Variants in KIAA0319 observed in about 807,000 individuals in gnomAD.
The protein encoded by KIAA0319 is dyslexia-associated protein KIAA0319.
In KIAA0319, 83 loss-of-function variants were observed where a neutral mutation model predicts 108.4. The ratio of observed to expected loss-of-function variants is 0.77; its 90% CI spans 0.64 to 0.92. The LOEUF is 0.92. Among genes scored for constraint, KIAA0319 ranks in the 40% least tolerant of loss-of-function variants. The pLI, the probability that KIAA0319 is intolerant of heterozygous loss-of-function variation, is 0.00. For missense variants in KIAA0319, 1,195 were observed against 1,322.4 expected, an observed-to-expected ratio of 0.90 and a Z score of 1.49; for synonymous variants, 484 against 510.4, an observed-to-expected ratio of 0.95 and a Z score of 0.70.
rs1554164504 is a variant in KIAA0319 at position 24,594,636 on chromosome 6, A to AAAAC, written c.801+1236_801+1237insGTTT. Among the ~76,000 whole-genome samples the AAAAC allele has an allele frequency of 6.0e-4, 53 of 88,808 alleles. 1 individual carries two copies. The highest frequency in any genetic ancestry group is 3.3e-3 in the South Asian group (10 of 3,002). 58.3% of individuals were successfully genotyped at this position (88,808 alleles called of 152,430 possible). A position where few individuals can be genotyped will look rare whatever the true frequency, so the allele number is the denominator to read the frequency against. On this transcript the variant is annotated intron_variant, in intron 3 of 20. Coordinates refer to ENST00000378214, the MANE Select transcript of KIAA0319 (RefSeq NM_014809.4). ...AGCAAGACTCTGTCTCACAAAAAAA[A>AAAAC]AACAACAAAAAAAAAAAACACTTAA...
chr6:24,593,177 CTCCTT>C (rs1399386655), intron 3 of KIAA0319, among the ~76,000 whole-genome samples: 1 of 152,012 alleles, frequency 6.6e-6, no homozygotes, highest in African/African-American at 2.4e-5. Context: ...ACTGAACTCC[CTCCTT>C]TCCTCACTGG....
Position 24,569,987 on chromosome 6 carries a change from A to G in KIAA0319, c.1907T>C (p.Ile636Thr). Reference sequence around the variant, plus strand: ...CAGGGTAGCACTTTCCACTGGGAAGATCAGCTCTTTATCAGGGCCGGCCAC... The same window carrying G: ...CAGGGTAGCACTTTCCACTGGGAAGGTCAGCTCTTTATCAGGGCCGGCCAC... Reference protein sequence around the residue: ...VAVAGPDKELIFPVESATLDG... With the variant: ...VAVAGPDKELTFPVESATLDG... The change falls in exon 12 of 21, where the codon ATC (isoleucine) becomes ACC (threonine). Residue 636 changes from isoleucine (I) to threonine (T), a missense_variant. By Grantham distance (89) the Ile-to-Thr change is moderately conservative. Coordinates refer to ENST00000378214, the MANE Select transcript of KIAA0319 (RefSeq NM_014809.4). The G allele has an allele frequency of 6.2e-7, 1 of 1,614,122 alleles. No individual in the cohort carries two copies. Among genetic ancestry groups the G allele is most frequent in the Non-Finnish European group, 8.5e-7 (1 of 1,179,958 alleles).
intron 1 of KIAA0319, among the ~76,000 whole-genome samples, chr6:24,626,454 C>A (rs1406617196): frequency 1.3e-5 from 2 of 152,152 alleles, no homozygotes; most frequent in Non-Finnish European, 2.9e-5. Flanking sequence ...ATCGCTTGAA[C>A]CTGGCAGGTG....
intron 1 of KIAA0319, among the ~76,000 whole-genome samples, chr6:24,602,884 C>T (rs1349027203): frequency 1.3e-5 from 2 of 152,118 alleles, no homozygotes; most frequent in Non-Finnish European, 2.9e-5. Context: ...TGTGGAAAAC[C>T]AACGGGTATC....
At chr6:24,568,180 C>A (rs780840892) in intron 13 of KIAA0319, among the ~76,000 whole-genome samples, 2 of 152,196 alleles carry the variant, frequency 1.3e-5, no homozygotes, top group African/African-American at 2.4e-5. Flanking sequence ...AATGCTTGAA[C>A]CTTTCCATCC....
intron 6 of KIAA0319, among the ~76,000 whole-genome samples, chr6:24,581,253 G>A (rs1462073702): frequency 6.6e-6 from 1 of 152,160 alleles, no homozygotes; most frequent in Non-Finnish European, 1.5e-5. Flanking sequence ...AAAGAGGCCT[G>A]GGTGAGATGG....
In KIAA0319 at chr6:24,547,020, G is replaced by A. The variant is rs1760714343; in HGVS notation, c.*145C>T. The A allele has an allele frequency of 9.0e-6, 7 of 776,672 alleles. No individual in the cohort carries two copies. Among genetic ancestry groups the A allele is most frequent in the East Asian group, 5.0e-5 (2 of 39,746 alleles). 48.1% of individuals were successfully genotyped at this position (776,672 alleles called of 1,614,324 possible). A position where few individuals can be genotyped will look rare whatever the true frequency, so the allele number is the denominator to read the frequency against. ...TTTTTGTTTTGTGCCTTCAAAAACC[G>A]GTCTTTTAGTACGTGGGGATACACA... On this transcript the variant is annotated 3_prime_UTR_variant, in exon 21 of 21. Coordinates refer to ENST00000378214, the MANE Select transcript of KIAA0319 (RefSeq NM_014809.4).
intron 16 of KIAA0319, among the ~76,000 whole-genome samples, chr6:24,562,600 G>A (rs559363910): frequency 6.6e-6 from 1 of 152,188 alleles, no homozygotes; most frequent in African/African-American, 2.4e-5. Flanking sequence ...AGCACCCTGG[G>A]AGGCCTAAGT....
At chr6:24,558,542 T>C (rs1360953121) in intron 17 of KIAA0319, among the ~76,000 whole-genome samples, 1 of 152,096 alleles carries the variant, frequency 6.6e-6, no homozygotes, top group African/African-American at 2.4e-5. Flanking sequence ...ATAGAAACAA[T>C]GGGACTATGA....
intron 11 of KIAA0319, among the ~76,000 whole-genome samples, chr6:24,570,461 G>A (rs1431822801): frequency 3.3e-5 from 5 of 151,962 alleles, no homozygotes; most frequent in African/African-American, 4.8e-5. Context: ...GGTGGCAGGC[G>A]CCTGTAGTCC....
At chr6:24,626,254 G>A (rs1024626638) in intron 1 of KIAA0319, among the ~76,000 whole-genome samples, 3 of 152,226 alleles carry the variant, frequency 2.0e-5, no homozygotes, top group African/African-American at 4.8e-5. Context: ...AAATGGGGCC[G>A]GGCTTGGTGG....
chr6:24,623,046 G>GAAA (rs540546428), intron 1 of KIAA0319, among the ~76,000 whole-genome samples: 371 of 143,362 alleles, frequency 2.6e-3, no homozygotes, highest in African/African-American at 9.2e-3. Context: ...CTCATTAAAA[G>GAAA]AAAAAAAAAA....
At chr6:24,552,615 T>C (rs1448762465) in intron 19 of KIAA0319, among the ~76,000 whole-genome samples, 2 of 152,020 alleles carry the variant, frequency 1.3e-5, no homozygotes, top group South Asian at 2.1e-4. Context: ...AATACACTCC[T>C]TTTTTTTGAG....
intron 1 of KIAA0319, among the ~76,000 whole-genome samples, chr6:24,624,538 G>A (rs2127576066): frequency 6.6e-6 from 1 of 152,214 alleles, no homozygotes; most frequent in Admixed American, 6.5e-5. Flanking sequence ...GCAGCTAAGT[G>A]TAATGCAGAA....
intron 16 of KIAA0319, among the ~76,000 whole-genome samples, chr6:24,559,568 C>A (rs571842304): frequency 6.6e-6 from 1 of 151,482 alleles, no homozygotes; most frequent in South Asian, 2.1e-4. Flanking sequence ...TTTCATCTGG[C>A]TGTTCATTTG....
chr6:24,630,615 C>T (rs960156906), intron 1 of KIAA0319, among the ~76,000 whole-genome samples: 1 of 83,882 alleles, frequency 1.2e-5, no homozygotes, highest in South Asian at 3.7e-4. Flanking sequence ...AATTATAAAT[C>T]GTGCCAACAA....
At chr6:24,540,487 A>G (rs807511), downstream of KIAA0319, among the ~76,000 whole-genome samples, 32,417 of 152,064 alleles carry the variant, frequency 0.21, 3,634 homozygotes, top group South Asian at 0.26. Flanking sequence ...CTGCTGCAAT[A>G]AAGTCTCAGT....
chr6:24,560,731 G>C (rs561543760), intron 16 of KIAA0319, among the ~76,000 whole-genome samples: 17 of 152,280 alleles, frequency 1.1e-4, no homozygotes, highest in East Asian at 3.9e-4. Flanking sequence ...CTTCCTGTGT[G>C]CCTCTCTCTA....
downstream of KIAA0319, among the ~76,000 whole-genome samples, chr6:24,542,279 C>A (rs1289607036): frequency 6.6e-6 from 1 of 152,198 alleles, no homozygotes; most frequent in Non-Finnish European, 1.5e-5. Flanking sequence ...GAAGATGATC[C>A]AGGAGCCACG....
Sources: allele counts gnomAD v4.1 joint callset (sites outside exome capture counted in the v4.1 genomes callset), GRCh38; gene constraint gnomAD v4.1.1; transcripts MANE v1.5; gene names NCBI Gene and HGNC (gene_info 2026-07-23, HGNC 2026-07-21).